The following PALLD variants were observed in gnomAD, a reference collection of about 807,000 sequenced individuals.
PALLD encodes palladin.
PALLD carries 61 observed loss-of-function variants against 123.5 expected under a neutral mutation model. That is an observed-to-expected ratio of 0.49 (90% CI 0.40 to 0.61). The LOEUF (loss-of-function observed/expected upper bound fraction) is 0.61. Among genes scored for constraint, PALLD ranks in the 20% least tolerant of loss-of-function variants. The pLI, the probability that PALLD is intolerant of heterozygous loss-of-function variation, is 0.00. For missense variants in PALLD, 1,273 were observed against 1,377.0 expected (o/e 0.92, Z 1.20); for synonymous variants, 465 against 496.4 (o/e 0.94, Z 0.84).
chr4:168,557,280 G>T (rs1032989156), intron 2 of PALLD, among the ~76,000 whole-genome samples: 1 of 152,092 alleles, frequency 6.6e-6, no homozygotes, highest in African/African-American at 2.4e-5. Flanking sequence ...GTGACCTCAG[G>T]TGATCTGCCC....
chr4:168,674,929 G>T (rs1780677499), intron 3 of PALLD, among the ~76,000 whole-genome samples: 1 of 152,174 alleles, frequency 6.6e-6, no homozygotes. Flanking sequence ...AATAGATCAT[G>T]CAGGAGGGAG....
At chr4:168,531,782 A>G (rs1416193391) in intron 2 of PALLD, among the ~76,000 whole-genome samples, 1 of 152,220 alleles carries the variant, frequency 6.6e-6, no homozygotes, top group Non-Finnish European at 1.5e-5. Context: ...GCTGCCCTAC[A>G]GAGGGCATGT....
At chr4:168,571,583 C>T (rs1222427967) in intron 2 of PALLD, among the ~76,000 whole-genome samples, 2 of 152,184 alleles carry the variant, frequency 1.3e-5, no homozygotes, top group African/African-American at 4.8e-5. Flanking sequence ...AAATGTGTTA[C>T]TTTTCACAGA....
chr4:168,549,554 G>A (rs1766511891), intron 2 of PALLD, among the ~76,000 whole-genome samples: 1 of 151,966 alleles, frequency 6.6e-6, no homozygotes, highest in African/African-American at 2.4e-5. Context: ...AGTACTGAAG[G>A]ATCTTGACAT....
chr4:168,691,430 C>T (rs2150125338), intron 8 of PALLD, 138 bp downstream of exon 8: 1 of 708,300 alleles, frequency 1.4e-6, no homozygotes, highest in Admixed American at 2.7e-5. Context: ...AATGTGAAAC[C>T]CCCTTAAAAA....
intron 10 of PALLD, among the ~76,000 whole-genome samples, chr4:168,765,521 C>A (rs1348696297): frequency 6.6e-6 from 1 of 152,160 alleles, no homozygotes; most frequent in Non-Finnish European, 1.5e-5. Flanking sequence ...CCCACTGTCA[C>A]CCACTTCACA....
intron 2 of PALLD, among the ~76,000 whole-genome samples, chr4:168,571,732 G>C (rs1188971905): frequency 6.6e-6 from 1 of 152,166 alleles, no homozygotes; most frequent in Non-Finnish European, 1.5e-5. Flanking sequence ...TTCATGCTAT[G>C]AACATCAGCC....
At chr4:168,777,311 A>G (rs979839917) in intron 10 of PALLD, among the ~76,000 whole-genome samples, 11 of 152,274 alleles carry the variant, frequency 7.2e-5, no homozygotes, top group African/African-American at 2.6e-4. Context: ...TATGGCTTGG[A>G]AGAATGCTGT....
chr4:168,767,569 C>CA (rs1561500831), intron 10 of PALLD, among the ~76,000 whole-genome samples: 1 of 134,420 alleles, frequency 7.4e-6, no homozygotes, highest in Non-Finnish European at 1.5e-5. Context: ...TTTTCCGAGA[C>CA]AGAGTTTCGC....
intron 10 of PALLD, among the ~76,000 whole-genome samples, chr4:168,809,646 T>A (rs1277892503): frequency 6.6e-6 from 1 of 152,108 alleles, no homozygotes; most frequent in Non-Finnish European, 1.5e-5. Flanking sequence ...GTGGATCACT[T>A]GAGGTCCAGA....
chr4:168,779,906 CT>C (rs796344831), intron 10 of PALLD, among the ~76,000 whole-genome samples: 1,843 of 144,870 alleles, frequency 0.013, 23 homozygotes, highest in African/African-American at 0.035. Context: ...ACTATACATT[CT>C]TTTTTTTTTT....
intron 2 of PALLD, among the ~76,000 whole-genome samples, chr4:168,580,413 A>C (rs1770128951): frequency 6.6e-6 from 1 of 152,074 alleles, no homozygotes; most frequent in African/African-American, 2.4e-5. Flanking sequence ...TGCAAATCAA[A>C]ACCACAGTGA....
intron 10 of PALLD, among the ~76,000 whole-genome samples, chr4:168,816,411 ATATTTT>A (rs1741949705): frequency 8.8e-6 from 1 of 113,714 alleles, no homozygotes; most frequent in Non-Finnish European, 1.7e-5. Flanking sequence ...ATATATATAT[ATATTTT>A]TTTTAAGTAT....
At chr4:168,630,787 G>T (rs190224896) in intron 2 of PALLD, among the ~76,000 whole-genome samples, 1 of 152,310 alleles carries the variant, frequency 6.6e-6, no homozygotes, top group African/African-American at 2.4e-5. Context: ...TGGAAGTAGT[G>T]AAATAATCTT....
At chr4:168,500,235 ACT>A (rs1416644181) in intron 1 of PALLD, among the ~76,000 whole-genome samples, 1 of 152,048 alleles carries the variant, frequency 6.6e-6, no homozygotes, top group Non-Finnish European at 1.5e-5. Context: ...TACTTACTAG[ACT>A]CTGCTCTTTC....
intron 2 of PALLD, chr4:168,631,885 G>C (rs1319486192): frequency 1.0e-6 from 1 of 985,496 alleles, no homozygotes; most frequent in Non-Finnish European, 1.2e-6. Context: ...GGCAGACGGC[G>C]TTTTGCGCCC....
rs1313382111 is a variant in PALLD, at chr4:168,557,711, G to A, written c.908+45299G>A. ...TACATGTGCATTAAATCTCAAGCAC[G>A]GTCTCCTTCAGTAGTAAGAAGGCCT... On this transcript the variant is annotated intron_variant, in intron 2 of 21. Coordinates refer to ENST00000505667, the MANE Select transcript of PALLD (RefSeq NM_001166108.2). 2.6e-5 allele frequency among the ~76,000 whole-genome samples: 4 copies of A among 152,192 alleles called. No homozygotes were observed. The East Asian group carries it at 7.8e-4, about 30-fold the overall frequency.
intron 2 of PALLD, among the ~76,000 whole-genome samples, chr4:168,603,930 G>A (rs576719990): frequency 1.3e-5 from 2 of 152,218 alleles, no homozygotes; most frequent in African/African-American, 4.8e-5. Flanking sequence ...TAGAAAGATA[G>A]TCTGCAGCAT....
chr4:168,832,129 ACGCGGAATCGGG>A, intron 10 of PALLD: 1 of 982,602 alleles, frequency 1.0e-6, no homozygotes, highest in Non-Finnish European at 1.2e-6. Flanking sequence ...CTCGCTCCGG[ACGCGGAATCGGG>A]CAGCAGCGGG....
Sources: gnomAD v4.1 joint callset for allele counts (sites outside exome capture counted in the v4.1 genomes callset) on GRCh38, gnomAD v4.1.1 for gene constraint, MANE v1.5 for transcripts, NCBI Gene and HGNC (gene_info 2026-07-23, HGNC 2026-07-21) for gene names.